The following BCLAF1 variants were observed in gnomAD, a reference collection of about 807,000 sequenced individuals.
BCLAF1 encodes BCL2 associated transcription factor 1.
In BCLAF1, 10 loss-of-function variants were observed where a neutral mutation model predicts 99.5. That is an observed-to-expected ratio of 0.10 (90% CI 0.06 to 0.17). The LOEUF (loss-of-function observed/expected upper bound fraction) is 0.17. Among genes scored for constraint, BCLAF1 ranks in the 10% least tolerant of loss-of-function variants. The pLI is 1.00. For missense variants in BCLAF1, 636 were observed against 1,105.8 expected (o/e 0.58, Z 6.02); for synonymous variants, 255 against 370.9 (o/e 0.69, Z 3.59).
intron 1 of BCLAF1, among the ~76,000 whole-genome samples, chr6:136,285,714 A>C (rs1785036342): frequency 6.6e-6 from 1 of 152,242 alleles, no homozygotes; most frequent in Non-Finnish European, 1.5e-5. Flanking sequence ...ATTTTTAAAA[A>C]TAAGGTTCTT....
intron 4 of BCLAF1, among the ~76,000 whole-genome samples, chr6:136,277,436 T>C (rs1234406083): frequency 6.6e-6 from 1 of 152,240 alleles, no homozygotes; most frequent in Non-Finnish European, 1.5e-5. Context: ...ATCATTTAGT[T>C]ATGCTCTAAG....
intron 11 of BCLAF1, among the ~76,000 whole-genome samples, chr6:136,266,288 G>A (rs1007245236): frequency 1.3e-5 from 2 of 152,014 alleles, no homozygotes; most frequent in Non-Finnish European, 2.9e-5. Flanking sequence ...CTAGTTTTCA[G>A]AACTAGTCTC....
intron 11 of BCLAF1, among the ~76,000 whole-genome samples, chr6:136,261,972 C>A (rs1323399516): frequency 2.6e-5 from 4 of 152,040 alleles, no homozygotes; most frequent in African/African-American, 9.7e-5. Context: ...GATTTTAAAT[C>A]TACTGAGATT....
chr6:136,283,730 T>C (rs1209483245), intron 1 of BCLAF1, among the ~76,000 whole-genome samples: 2 of 152,052 alleles, frequency 1.3e-5, no homozygotes, highest in South Asian at 2.1e-4. Flanking sequence ...AATGGTAACA[T>C]TAAACTGGTG....
chr6:136,264,026 T>C (rs182181999), intron 11 of BCLAF1, among the ~76,000 whole-genome samples: 189 of 152,232 alleles, frequency 1.2e-3, no homozygotes, highest in East Asian at 1.2e-3. Context: ...CCTGACCCCA[T>C]TGCACTAGCC....
intron 2 of BCLAF1, among the ~76,000 whole-genome samples, chr6:136,280,550 A>T (rs552937960): frequency 2.2e-4 from 34 of 152,298 alleles, no homozygotes; most frequent in Admixed American, 5.2e-4. Context: ...ATTTAAAAAG[A>T]ATAAAAGATA....
chr6:136,267,254 T>C, intron 10 of BCLAF1, 79 bp from the exon 11 acceptor site: 1 of 1,464,768 alleles, frequency 6.8e-7, no homozygotes, highest in Non-Finnish European at 9.3e-7. Context: ...TTTACTGCAG[T>C]AACAAAAAAC....
At chr6:136,261,506 T>C (rs936758760) in intron 11 of BCLAF1, 29 bp from the exon 12 acceptor site, 8 of 1,588,928 alleles carry the variant, frequency 5.0e-6, no homozygotes, top group Non-Finnish European at 6.9e-6. Context: ...CAATTGTCAA[T>C]GAAATGTTTC....
At chr6:136,278,810 T>C (rs769332210) in intron 3 of BCLAF1, 34 bp from the exon 4 acceptor site, 1 of 1,464,472 alleles carries the variant, frequency 6.8e-7, no homozygotes, top group South Asian at 1.5e-5. Flanking sequence ...GCAAGAAAAA[T>C]AAAGTATTCC....
intron 6 of BCLAF1, among the ~76,000 whole-genome samples, chr6:136,274,944 A>C (rs2128478846): frequency 6.6e-6 from 1 of 152,156 alleles, no homozygotes; most frequent in East Asian, 1.9e-4. Context: ...CTATTCATGT[A>C]ATCAGTATTT....
Position 136,276,392 on chromosome 6 carries a change from T to C in BCLAF1, c.1133A>G (p.Gln378Arg). ...KGRAEGEWED[Q>R]EALDYFSDKE... ...ATCACTGAAGTAATCTAGAGCTTCC[T>C]GATCTTCCCATTCTCCCTCTGCCCT... Residue 378 changes from glutamine (Q) to arginine (R), a missense_variant, in exon 5 of 13, where the codon CAG (glutamine) becomes CGG (arginine). Coordinates refer to ENST00000531224, the MANE Select transcript of BCLAF1 (RefSeq NM_014739.3). 1.3e-6 allele frequency: 2 copies of C among 1,579,644 alleles called. No homozygotes were observed. The highest frequency in any genetic ancestry group is 1.7e-6 in the Non-Finnish European group (2 of 1,169,070).
chr6:136,288,353 G>C (rs2128495416), intron 1 of BCLAF1, among the ~76,000 whole-genome samples: 1 of 152,274 alleles, frequency 6.6e-6, no homozygotes, highest in South Asian at 2.1e-4. Flanking sequence ...CCGCCGAGGG[G>C]CCACTTTTTC....
In BCLAF1 at chr6:136,272,055, G is replaced by T; in HGVS notation, c.1983C>A (p.Thr661=). The change falls in exon 8 of 13, where the codon ACC becomes ACA. Residue 661 remains threonine, a synonymous_variant. Coordinates refer to ENST00000531224, the MANE Select transcript of BCLAF1 (RefSeq NM_014739.3). ...CTGCTAAACGGGTATGCTTCCTCAG[G>T]GTACTTGGTGAGATGTCAATTCTCC... ...IHRRIDISPS[T]LRKHTRLAGE... is the part of the protein sequence containing the mutation. The T allele has an allele frequency of 6.2e-7, 1 of 1,600,584 alleles. No individual in the cohort carries two copies. The highest frequency in any genetic ancestry group is 1.1e-5 in the South Asian group (1 of 89,426).
rs2128497846 is a variant in BCLAF1, at chr6:136,289,718, A to G, written c.-120T>C. 6.5e-6 allele frequency: 1 copy of G among 152,834 alleles called. No individual in the cohort carries two copies. Among genetic ancestry groups the G allele is most frequent in the South Asian group, 2.1e-4 (1 of 4,836 alleles). The allele number at this position is 152,834 out of a possible 1,614,324, so 9.5% of individuals were successfully genotyped here. A position where few individuals can be genotyped will look rare whatever the true frequency, so the allele number is the denominator to read the frequency against. ...GAATACATTGCGAGGCCTACCTGAC[A>G]CGCCGAATCGCGGTTCCGGGAATTT... On this transcript the variant is annotated 5_prime_UTR_variant, in exon 1 of 13. Coordinates refer to ENST00000531224, the MANE Select transcript of BCLAF1 (RefSeq NM_014739.3).
rs541374313 is a variant in BCLAF1 at position 136,272,729 on chromosome 6, G to C, written c.1958+353C>G. 3.3e-5 allele frequency among the ~76,000 whole-genome samples: 5 copies of C among 151,998 alleles called. No individual in the cohort carries two copies. The South Asian group carries it at 1.0e-3, about 31-fold the overall frequency. Reference sequence around the variant, plus strand: ...ACAACTATCTGACTTCAATGCTCATGCTTTCGTTCTCTCTCTCTCACCAAA... The same window carrying C: ...ACAACTATCTGACTTCAATGCTCATCCTTTCGTTCTCTCTCTCTCACCAAA... On this transcript the variant is annotated intron_variant, in intron 7 of 12. Coordinates refer to ENST00000531224, the MANE Select transcript of BCLAF1 (RefSeq NM_014739.3).
chr6:136,275,876 T>C lies in BCLAF1; in HGVS notation c.1649A>G (p.Lys550Arg), dbSNP rs772275860. The C allele has an allele frequency of 1.9e-6, 3 of 1,612,918 alleles. No individual in the cohort carries two copies. The highest frequency in any genetic ancestry group is 2.5e-6 in the Non-Finnish European group (3 of 1,179,644). ...ATCATCAAGAGGAACAGGTGCCATT[T>C]TGAGTTTGACTTCAGGACGGTGAGA... Reference protein sequence around the residue: ...SDSHRPEVKLKMAPVPLDDSN... With the variant: ...SDSHRPEVKLRMAPVPLDDSN... The change falls in exon 5 of 13, where the codon AAA becomes AGA. Residue 550 changes from lysine to arginine, a missense_variant. Lys to Arg is a conservative substitution (Grantham distance 26). This residue lies in a region of BCLAF1 where 20 missense variants were observed against 66.2 expected (regional missense o/e 0.30). Coordinates refer to ENST00000531224, the MANE Select transcript of BCLAF1 (RefSeq NM_014739.3).
chr6:136,260,330 T>C lies in BCLAF1; in HGVS notation c.*780A>G, dbSNP rs1048615901. 12 of 152,028 alleles carry C rather than the reference T, an allele frequency of 7.9e-5. No homozygotes were observed. The highest frequency in any genetic ancestry group is 2.9e-4 in the African/African-American group (12 of 41,440). 9.4% of individuals were successfully genotyped at this position (152,028 alleles called of 1,614,324 possible). Reference sequence around the variant, plus strand: ...ATTTGCAGTATTGTTACAAACCAGTTTCCTCTCACAAATAGCTAATATCTA... The same window carrying C: ...ATTTGCAGTATTGTTACAAACCAGTCTCCTCTCACAAATAGCTAATATCTA... On this transcript the variant is annotated 3_prime_UTR_variant, in exon 13 of 13. Transcript: ENST00000531224.
chr6:136,270,984 A>G (rs998639224), intron 8 of BCLAF1, among the ~76,000 whole-genome samples: 1 of 151,864 alleles, frequency 6.6e-6, no homozygotes, highest in Non-Finnish European at 1.5e-5. Context: ...AACAAAAAAA[A>G]TAACAGAACA....
chr6:136,258,381 G>GAAAAAC lies in BCLAF1; in HGVS notation c.*2723_*2728dup, dbSNP rs66934469. 53 of 149,746 alleles carry GAAAAAC rather than the reference G, an allele frequency of 3.5e-4. No homozygotes were observed. The highest frequency in any genetic ancestry group is 9.9e-4 in the East Asian group (5 of 5,068). The allele number at this position is 149,746 out of a possible 1,614,324, so 9.3% of individuals were successfully genotyped here. On this transcript the variant is annotated 3_prime_UTR_variant, in exon 13 of 13. Coordinates refer to ENST00000531224, the MANE Select transcript of BCLAF1 (RefSeq NM_014739.3). ...TCCCATTTTCCCAGGGGAGACAAGG[G>GAAAAAC]AAAAACAAAAACAAAAACAAAAACA... is the stretch of plus-strand genomic sequence containing the variant.
Sources: gnomAD v4.1 joint callset for allele counts (sites outside exome capture counted in the v4.1 genomes callset) on GRCh38, gnomAD v4.1.1 for gene constraint, gnomAD v4.1.1 regional missense constraint, MANE v1.5 for transcripts, NCBI Gene and HGNC (gene_info 2026-07-23, HGNC 2026-07-21) for gene names.